The following SDCCAG8 variants were observed in gnomAD, a reference collection of about 807,000 sequenced individuals.
SDCCAG8 encodes serologically defined colon cancer antigen 8.
A neutral mutation model predicts 101.8 loss-of-function variants in SDCCAG8; 74 were observed. The observed-to-expected ratio is 0.73, with a 90% CI of 0.60 to 0.88. The LOEUF (loss-of-function observed/expected upper bound fraction) is 0.88. Ranked by LOEUF, SDCCAG8 falls within the 40% of genes least tolerant of loss-of-function variation. The pLI is 0.00. For missense variants in SDCCAG8, 787 were observed against 822.6 expected (o/e 0.96, Z 0.53); for synonymous variants, 281 against 292.9 (o/e 0.96, Z 0.41).
At chr1:243,320,307 C>T (rs141381878) in intron 9 of SDCCAG8, among the ~76,000 whole-genome samples, 48 of 152,282 alleles carry the variant, frequency 3.2e-4, no homozygotes, top group African/African-American at 1.1e-3. Flanking sequence ...CTCCCTCCTT[C>T]GTTCCACTCC....
At chr1:243,285,459 T>G (rs2069517917) in intron 4 of SDCCAG8, among the ~76,000 whole-genome samples, 2 of 152,196 alleles carry the variant, frequency 1.3e-5, no homozygotes, top group Non-Finnish European at 2.9e-5. Flanking sequence ...GACTGAAAAT[T>G]CAAAGTCCAC....
chr1:243,453,255 C>T (rs540563171), intron 16 of SDCCAG8, among the ~76,000 whole-genome samples: 1 of 152,222 alleles, frequency 6.6e-6, no homozygotes, highest in Non-Finnish European at 1.5e-5. Flanking sequence ...GTCTCCATCC[C>T]ACCGGCTGTA....
chr1:243,395,665 T>C (rs1000109969), intron 13 of SDCCAG8, among the ~76,000 whole-genome samples: 1 of 152,152 alleles, frequency 6.6e-6, no homozygotes, highest in Non-Finnish European at 1.5e-5. Context: ...GATTTTAACC[T>C]ATCTTTTTGA....
At chr1:243,489,940 G>C (rs1181115436) in intron 17 of SDCCAG8, among the ~76,000 whole-genome samples, 1 of 152,200 alleles carries the variant, frequency 6.6e-6, no homozygotes, top group Non-Finnish European at 1.5e-5. Context: ...CTGTCAGAGA[G>C]GCTGTGCATT....
Position 243,299,917 on chromosome 1 carries a change from T to A in SDCCAG8, c.676-4796T>A, listed in dbSNP as rs553208296. ...TCTCACTCTGTTGCCCAGGCTGGAG[T>A]GCAATGGAATGGTCTTGACTCACTA... On this transcript the variant is annotated intron_variant, in intron 6 of 17. Coordinates refer to ENST00000366541, the MANE Select transcript of SDCCAG8 (RefSeq NM_006642.5). Among the ~76,000 whole-genome samples, 88 of 151,190 alleles carry A rather than the reference T, an allele frequency of 5.8e-4. No individual in the cohort carries two copies. In the South Asian group the frequency reaches 0.018, roughly 31 times the overall value.
intron 13 of SDCCAG8, among the ~76,000 whole-genome samples, chr1:243,380,322 T>C (rs2077860967): frequency 6.6e-6 from 1 of 152,212 alleles, no homozygotes; most frequent in African/African-American, 2.4e-5. Flanking sequence ...AGCTTCATCA[T>C]GGTAATGTTA....
chr1:243,481,504 T>C (rs1663750048), intron 16 of SDCCAG8, among the ~76,000 whole-genome samples: 1 of 152,216 alleles, frequency 6.6e-6, no homozygotes, highest in South Asian at 2.1e-4. Flanking sequence ...GGGCATTTAG[T>C]AAATGCTCAG....
At chr1:243,444,774 T>C (rs2082784677) in intron 16 of SDCCAG8, among the ~76,000 whole-genome samples, 1 of 152,254 alleles carries the variant, frequency 6.6e-6, no homozygotes, top group Non-Finnish European at 1.5e-5. Flanking sequence ...TTAAAGTTAA[T>C]ACTGAATATT....
intron 16 of SDCCAG8, among the ~76,000 whole-genome samples, chr1:243,435,733 T>A (rs2082083174): frequency 7.2e-6 from 1 of 138,562 alleles, no homozygotes; most frequent in Non-Finnish European, 1.5e-5. Flanking sequence ...TTTGTGAACA[T>A]GTGAATGTGT....
chr1:243,310,558 A>G (rs2072621022), intron 8 of SDCCAG8, among the ~76,000 whole-genome samples: 1 of 152,180 alleles, frequency 6.6e-6, no homozygotes. Flanking sequence ...AGAAATAAAT[A>G]TAAAAAATAT....
chr1:243,293,921 C>A (rs903579572), intron 6 of SDCCAG8, among the ~76,000 whole-genome samples: 1 of 152,168 alleles, frequency 6.6e-6, no homozygotes, highest in African/African-American at 2.4e-5. Flanking sequence ...CTGCTCAAAT[C>A]TGCTCTTGAA....
At chr1:243,382,441 T>C (rs1395630177) in intron 13 of SDCCAG8, among the ~76,000 whole-genome samples, 1 of 152,218 alleles carries the variant, frequency 6.6e-6, no homozygotes, top group African/African-American at 2.4e-5. Context: ...GAAACAATAT[T>C]TTTTGACACA....
chr1:243,333,669 T>G (rs2074790837), intron 10 of SDCCAG8, among the ~76,000 whole-genome samples: 1 of 152,268 alleles, frequency 6.6e-6, no homozygotes, highest in Admixed American at 6.5e-5. Flanking sequence ...ACTGAAGATC[T>G]GTTTACACTA....
At chr1:243,415,676 C>T in intron 13 of SDCCAG8, 26 bp from the exon 14 acceptor site, 1 of 1,613,586 alleles carries the variant, frequency 6.2e-7, no homozygotes, top group Non-Finnish European at 8.5e-7. Flanking sequence ...GATTAAATTT[C>T]TGTATGTCTC....
intron 5 of SDCCAG8, 118 bp downstream of exon 5, chr1:243,286,515 T>C (rs1572975721): frequency 9.3e-7 from 1 of 1,070,470 alleles, no homozygotes; most frequent in East Asian, 2.6e-5. Flanking sequence ...AGTACTATGT[T>C]GGTATTTGTT....
chr1:243,485,843 CAT>C (rs1664678303), intron 16 of SDCCAG8, among the ~76,000 whole-genome samples: 1 of 149,480 alleles, frequency 6.7e-6, no homozygotes, highest in Non-Finnish European at 1.5e-5. Context: ...AGTGAGCTGA[CAT>C]AGCACCGCTG....
At chr1:243,359,412 A>C (rs1213634637) in intron 12 of SDCCAG8, among the ~76,000 whole-genome samples, 1 of 152,176 alleles carries the variant, frequency 6.6e-6, no homozygotes, top group Non-Finnish European at 1.5e-5. Flanking sequence ...CGGTGGGTGA[A>C]TTCTATGGTG....
intron 12 of SDCCAG8, among the ~76,000 whole-genome samples, chr1:243,349,255 C>T (rs1299540997): frequency 6.6e-6 from 1 of 152,118 alleles, no homozygotes; most frequent in Admixed American, 6.5e-5. Context: ...CTAATGTGCC[C>T]AGTATTCATA....
intron 11 of SDCCAG8, 82 bp from the exon 12 acceptor site, chr1:243,344,133 T>C: frequency 9.2e-7 from 1 of 1,085,868 alleles, no homozygotes. Flanking sequence ...ATATGACCTC[T>C]AGGGGGCACC....
Sources: allele counts gnomAD v4.1 joint callset (sites outside exome capture counted in the v4.1 genomes callset), GRCh38; gene constraint gnomAD v4.1.1; transcripts MANE v1.5; gene names NCBI Gene and HGNC (gene_info 2026-07-23, HGNC 2026-07-21).